Variants in ERCC6 observed in about 807,000 individuals in gnomAD.
ERCC6 encodes the protein ERCC excision repair 6, chromatin remodeling factor.
In ERCC6, 116 loss-of-function variants were observed where a neutral mutation model predicts 158.7. The ratio of observed to expected loss-of-function variants is 0.73; its 90% confidence interval spans 0.63 to 0.85. The LOEUF (loss-of-function observed/expected upper bound fraction) is 0.85, where lower values mean the gene tolerates loss of function less well. Ranked by LOEUF, ERCC6 falls within the 40% of genes least tolerant of loss-of-function variation. The pLI, the probability that ERCC6 is intolerant of heterozygous loss-of-function variation, is 0.00. For missense variants in ERCC6, 1,698 were observed against 1,799.4 expected, an observed-to-expected ratio of 0.94 and a Z score of 1.02; for synonymous variants, 678 against 659.3, an observed-to-expected ratio of 1.03 and a Z score of -0.43.
At chr10:49,508,891 C>T (rs190843349) in intron 5 of ERCC6, among the ~76,000 whole-genome samples, 15 of 152,264 alleles carry the variant, frequency 9.9e-5, no homozygotes, top group Non-Finnish European at 1.8e-4. Context: ...TCATCCCAGA[C>T]GCTGCCAAGA....
At position 49,493,365 on chromosome 10, in the gene ERCC6, C is replaced by G. The variant is rs1386308351; in HGVS notation, c.1686-113G>C. On this transcript the variant is annotated intron_variant, in intron 7 of 20. Coordinates refer to ENST00000355832, the MANE Select transcript of ERCC6 (RefSeq NM_000124.4). ...AAAAACTTAGTTCAAAAAAACAATGCTAACTATGGAAATTTATTGATATTT... is the reference window on the plus strand; with the variant it reads ...AAAAACTTAGTTCAAAAAAACAATGGTAACTATGGAAATTTATTGATATTT... The G allele has an allele frequency of 7.8e-6, 10 of 1,279,230 alleles. No homozygotes were observed. The East Asian group carries it at 1.9e-4, about 25-fold the overall frequency. The allele number at this position is 1,279,230 out of a possible 1,614,324, so 79.2% of individuals were successfully genotyped here.
At chr10:49,463,057 G>A (rs1850612097) in intron 18 of ERCC6, among the ~76,000 whole-genome samples, 1 of 152,210 alleles carries the variant, frequency 6.6e-6, no homozygotes. Flanking sequence ...GGTACAGGTT[G>A]AATATCTCTT....
chr10:49,483,501 C>T lies in ERCC6; in HGVS notation c.1837G>A (p.Asp613Asn). ...YTHKKEKLIR[D>N]VAHCHGILIT... ...AAAATTCCATGACAATGAGCAACATCTCGAATTAGTTTCTCCTGAGACCAC... is the reference window on the plus strand; with the variant it reads ...AAAATTCCATGACAATGAGCAACATTTCGAATTAGTTTCTCCTGAGACCAC... The change falls in exon 9 of 21, where the codon GAT (aspartate) becomes AAT (asparagine). Residue 613 changes from aspartate (D) to asparagine (N), a missense_variant. Physicochemically the swap from Asp to Asn is conservative, Grantham distance 23. Coordinates refer to ENST00000355832, the MANE Select transcript of ERCC6 (RefSeq NM_000124.4). The T allele has an allele frequency of 6.2e-7, 1 of 1,614,126 alleles. No individual in the cohort carries two copies. Among genetic ancestry groups the T allele is most frequent in the Non-Finnish European group, 8.5e-7 (1 of 1,180,012 alleles).
intron 14 of ERCC6, 122 bp downstream of exon 14, chr10:49,473,355 T>G: frequency 3.7e-6 from 3 of 813,004 alleles, no homozygotes; most frequent in South Asian, 2.7e-5. Flanking sequence ...AGTCTCCCCT[T>G]AGGCCCCCTC....
At chr10:49,525,177 G>A (rs1837284162) in intron 4 of ERCC6, 1 of 221,424 alleles carries the variant, frequency 4.5e-6, no homozygotes, top group Non-Finnish European at 9.1e-6. Flanking sequence ...ACATTCAGAT[G>A]GACTTAAATT....
rs770918391 is a variant in ERCC6 at position 49,524,299 on chromosome 10, TG to T, written c.1130del (p.Thr377LysfsTer28). 1 of 1,614,024 alleles carries T rather than the reference TG, an allele frequency of 6.2e-7. No individual in the cohort carries two copies. The highest frequency in any genetic ancestry group is 8.5e-7 in the Non-Finnish European group (1 of 1,179,964). On this transcript the variant is annotated frameshift_variant, in exon 5 of 21. Transcript: ENST00000355832. LOFTEE classifies it high-confidence loss of function. Reference protein sequence around the residue: ...SEGEESEYFPTEEEEEEEDDE... With the variant: ...SEGEESEYFPXEEEEEEEDDE... ...CATCTTCCTCCTCTTCCTCCTCCTC[TG>T]TGGGGAAATACTCAGACTCTTCACC...
intron 10 of ERCC6, among the ~76,000 whole-genome samples, chr10:49,479,966 C>A (rs1022950782): frequency 6.6e-6 from 1 of 152,216 alleles, no homozygotes; most frequent in Non-Finnish European, 1.5e-5. Context: ...ATGCTCCTTC[C>A]CATTCTGACA....
chr10:49,478,224 C>A (rs1049165304), intron 11 of ERCC6, 130 bp downstream of exon 11: 3 of 790,716 alleles, frequency 3.8e-6, no homozygotes, highest in Non-Finnish European at 6.9e-6. Flanking sequence ...GACGCCACAG[C>A]GGGCCTAGCC....
At chr10:49,462,704 A>T (rs1268075865) in intron 18 of ERCC6, among the ~76,000 whole-genome samples, 1 of 152,198 alleles carries the variant, frequency 6.6e-6, no homozygotes, top group African/African-American at 2.4e-5. Context: ...AAAATTTTTT[A>T]AATATAAATG....
chr10:49,537,718 AT>A (rs113515150), intron 1 of ERCC6, among the ~76,000 whole-genome samples: 134 of 146,086 alleles, frequency 9.2e-4, no homozygotes, highest in African/African-American at 8.5e-4. Flanking sequence ...AACGTGTGAA[AT>A]TTTTTTTTTT....
At chr10:49,507,921 G>GAT (rs1256279663) in intron 5 of ERCC6, among the ~76,000 whole-genome samples, 1 of 4,734 alleles carries the variant, frequency 2.1e-4, no homozygotes, top group African/African-American at 3.1e-4. Flanking sequence ...AAACTGAACA[G>GAT]ATATATATAC....
chr10:49,439,748 T>A, the ERCC6 span, among the ~76,000 whole-genome samples: 1 of 152,156 alleles, frequency 6.6e-6, no homozygotes, highest in African/African-American at 2.4e-5. Flanking sequence ...CTCCAAGTCA[T>A]CTCTTGGATG....
intron 5 of ERCC6, among the ~76,000 whole-genome samples, chr10:49,513,950 T>C (rs533950776): frequency 6.6e-6 from 1 of 152,066 alleles, no homozygotes; most frequent in South Asian, 2.1e-4. Context: ...ACCCAGATAA[T>C]CAAGTTCCAG....
downstream of ERCC6, among the ~76,000 whole-genome samples, chr10:49,449,932 G>C (rs1199097316): frequency 1.3e-5 from 2 of 151,912 alleles, no homozygotes; most frequent in African/African-American, 4.8e-5. Context: ...GAGTACAGTG[G>C]CATGCTCATG....
downstream of ERCC6, among the ~76,000 whole-genome samples, chr10:49,449,762 G>C (rs1850401241): frequency 6.6e-6 from 1 of 151,864 alleles, no homozygotes; most frequent in South Asian, 2.1e-4. Context: ...ATATTGACCA[G>C]GCTGCTCTCA....
downstream of ERCC6, among the ~76,000 whole-genome samples, chr10:49,449,361 A>G (rs564170861): frequency 2.6e-5 from 4 of 152,152 alleles, no homozygotes; most frequent in Non-Finnish European, 4.4e-5. Flanking sequence ...ATTTTCTCCA[A>G]TTCTGTAGGT....
chr10:49,500,820 G>A (rs527253354), intron 6 of ERCC6, 124 bp from the exon 7 acceptor site: 14 of 981,006 alleles, frequency 1.4e-5, no homozygotes, highest in East Asian at 7.5e-5. Context: ...AGAAACATGC[G>A]GGATGTGTGT....
chr10:49,449,560 CTTTTTTTTTTTTTTT>C (rs71026248), downstream of ERCC6, among the ~76,000 whole-genome samples: 2 of 68,024 alleles, frequency 2.9e-5, no homozygotes, highest in Admixed American at 2.1e-4. Flanking sequence ...ATAGTTAGGT[CTTTTTTTTTTTTTTT>C]TTTTTTTTTT....
chr10:49,476,675 A>T (rs1850883385), intron 11 of ERCC6, among the ~76,000 whole-genome samples: 2 of 152,110 alleles, frequency 1.3e-5, no homozygotes, highest in South Asian at 4.1e-4. Flanking sequence ...ACCTGACCAG[A>T]GACCACAACC....
Sources: allele counts gnomAD v4.1 joint callset (sites outside exome capture counted in the v4.1 genomes callset), GRCh38; gene constraint gnomAD v4.1.1; transcripts MANE v1.5; gene names NCBI Gene and HGNC (gene_info 2026-07-23, HGNC 2026-07-21).